Variants in DENND2B observed in about 807,000 individuals in gnomAD.
DENND2B encodes DENN domain-containing protein 2B.
Under a neutral mutation model 116.0 loss-of-function variants are expected in DENND2B, and 32 were observed. The ratio of observed to expected loss-of-function variants is 0.28; its 90% CI spans 0.21 to 0.37. The LOEUF is 0.37. Among genes scored for constraint, DENND2B ranks in the 10% least tolerant of loss-of-function variants. DENND2B has a pLI of 1.00. For synonymous variants in DENND2B, 588 were observed against 583.9 expected (o/e 1.01, Z -0.10); for missense variants, 1,276 against 1,477.7 (o/e 0.86, Z 2.24).
At chr11:8,845,990 G>C (rs1183426549) in intron 3 of DENND2B, among the ~76,000 whole-genome samples, 1 of 152,042 alleles carries the variant, frequency 6.6e-6, no homozygotes, top group African/African-American at 2.4e-5. Flanking sequence ...TCAGAATCAG[G>C]GCCCACACTT....
In DENND2B at chr11:8,887,589, CTT is replaced by C. The variant is rs201582306; in HGVS notation, c.-255-6482_-255-6481del. Among the ~76,000 whole-genome samples the C allele has an allele frequency of 5.1e-4, 77 of 152,196 alleles. 1 individual carries two copies. Among genetic ancestry groups the C allele is most frequent in the African/African-American group, 1.8e-3 (75 of 41,522 alleles). ...TAAAGTCTACTCAGCCCTTCCATAC[CTT>C]TTCTCTCTCCACCAGCCACATGTTC... On this transcript the variant is annotated intron_variant, in intron 1 of 22. Coordinates refer to the DENND2B transcript ENST00000534127.
intron 2 of DENND2B, among the ~76,000 whole-genome samples, chr11:8,748,023 C>T (rs1460220117): frequency 6.6e-6 from 1 of 152,050 alleles, no homozygotes; most frequent in African/African-American, 2.4e-5. Context: ...CGCCAGTTTT[C>T]CTTGACCAGA....
intron 4 of DENND2B, among the ~76,000 whole-genome samples, chr11:8,829,697 T>A (rs1392213298): frequency 1.3e-5 from 2 of 152,148 alleles, no homozygotes; most frequent in African/African-American, 4.8e-5. Flanking sequence ...GCTGCTGTTG[T>A]CTTAAAATTG....
intron 1 of DENND2B, among the ~76,000 whole-genome samples, chr11:8,766,368 C>T (rs1242793407): frequency 6.6e-6 from 1 of 152,192 alleles, no homozygotes; most frequent in Non-Finnish European, 1.5e-5. Context: ...ACATCAGCCT[C>T]ACCCTAGGCT....
intron 1 of DENND2B, chr11:8,768,669 A>G (rs1011961040): frequency 6.6e-6 from 1 of 152,226 alleles, no homozygotes; most frequent in Non-Finnish European, 1.5e-5. Flanking sequence ...GTCACAGCTT[A>G]TACTTTCTCC....
Position 8,759,248 on chromosome 11 carries a change from C to T in DENND2B, c.-25-8523G>A, listed in dbSNP as rs549994248. Reference sequence around the variant, plus strand: ...GTCTGTCCTTGTTTAGGTGACATTTCTAAATGTCTGTCTGATACTTTTCTG... The same window carrying T: ...GTCTGTCCTTGTTTAGGTGACATTTTTAAATGTCTGTCTGATACTTTTCTG... On this transcript the variant is annotated intron_variant, in intron 1 of 19. Coordinates refer to ENST00000313726, the MANE Select transcript of DENND2B (RefSeq NM_213618.2). Among the ~76,000 whole-genome samples the T allele has an allele frequency of 8.5e-5, 13 of 152,310 alleles. No individual in the cohort carries two copies. In the East Asian group the frequency reaches 2.5e-3, roughly 29 times the overall value.
chr11:8,755,773 C>A (rs1411833126), intron 1 of DENND2B, among the ~76,000 whole-genome samples: 1 of 152,148 alleles, frequency 6.6e-6, no homozygotes, highest in Non-Finnish European at 1.5e-5. Flanking sequence ...CAGGCATGAG[C>A]CACCATGCTT....
intron 4 of DENND2B, chr11:8,718,783 C>G: frequency 9.8e-7 from 1 of 1,019,520 alleles, no homozygotes; most frequent in Non-Finnish European, 1.2e-6. Context: ...AAGTCCAAAA[C>G]AGAATCCCTG....
At chr11:8,901,485 C>T (rs931799975) in intron 1 of DENND2B, among the ~76,000 whole-genome samples, 64 of 152,108 alleles carry the variant, frequency 4.2e-4, no homozygotes, top group Non-Finnish European at 8.4e-4. Flanking sequence ...CCACCTCAGC[C>T]TCCCAAAGTG....
At chr11:8,759,247 T>C (rs1325145730) in intron 1 of DENND2B, among the ~76,000 whole-genome samples, 1 of 152,178 alleles carries the variant, frequency 6.6e-6, no homozygotes, top group African/African-American at 2.4e-5. Context: ...AGGTGACATT[T>C]CTAAATGTCT....
intron 1 of DENND2B, among the ~76,000 whole-genome samples, chr11:8,903,639 C>T (rs1401233038): frequency 6.6e-6 from 1 of 151,832 alleles, no homozygotes; most frequent in Non-Finnish European, 1.5e-5. Flanking sequence ...TTGAAACTGA[C>T]TCAAGATGGA....
intron 2 of DENND2B, among the ~76,000 whole-genome samples, chr11:8,739,687 CACTGCAGCATGCA>C (rs1201541588): frequency 2.0e-5 from 3 of 152,208 alleles, no homozygotes; most frequent in Non-Finnish European, 4.4e-5. Flanking sequence ...TGGATGCCAA[CACTGCAGCATGCA>C]ACTGGCCAAA....
At chr11:8,764,174 C>T (rs1268284956) in intron 1 of DENND2B, among the ~76,000 whole-genome samples, 2 of 151,688 alleles carry the variant, frequency 1.3e-5, no homozygotes, top group African/African-American at 4.8e-5. Context: ...GAGCCAAGAT[C>T]GCGCCACTGC....
At position 8,731,152 on chromosome 11, in the gene DENND2B, C is replaced by A. The variant is rs150863750; in HGVS notation, c.138G>T (p.Pro46=). Residue 46 remains proline (P), a synonymous_variant, in exon 3 of 20, where the codon CCG becomes CCT. Transcript: ENST00000313726. ...AGGCTGAGGTTTCACTATCACTGAGCGGGTAGATGGGACTCCTTGGTGGGG... is the reference window on the plus strand; with the variant it reads ...AGGCTGAGGTTTCACTATCACTGAGAGGGTAGATGGGACTCCTTGGTGGGG... The part of the protein sequence containing the change: ...VLSPPRSPIY[P]LSDSETSACR... The A allele has an allele frequency of 5.8e-6, 9 of 1,563,420 alleles. No individual in the cohort carries two copies. Among genetic ancestry groups the A allele is most frequent in the Admixed American group, 1.8e-5 (1 of 54,418 alleles).
intron 3 of DENND2B, among the ~76,000 whole-genome samples, chr11:8,842,749 T>C (rs764844594): frequency 1.3e-5 from 2 of 152,202 alleles, no homozygotes; most frequent in Non-Finnish European, 2.9e-5. Context: ...ACTTATTTCA[T>C]GATGGAGACA....
intron 4 of DENND2B, among the ~76,000 whole-genome samples, chr11:8,816,899 A>G (rs1157999371): frequency 6.6e-6 from 1 of 152,188 alleles, no homozygotes; most frequent in Non-Finnish European, 1.5e-5. Context: ...GCAGTCACCC[A>G]GTCCTACTGC....
chr11:8,753,374 ATG>A (rs1408593946), intron 1 of DENND2B, among the ~76,000 whole-genome samples: 1 of 152,262 alleles, frequency 6.6e-6, no homozygotes, highest in Non-Finnish European at 1.5e-5. Context: ...AATGCAAGAC[ATG>A]TATACTGTAA....
intron 1 of DENND2B, among the ~76,000 whole-genome samples, chr11:8,903,475 A>T (rs2064196128): frequency 3.6e-5 from 2 of 55,644 alleles, no homozygotes; most frequent in African/African-American, 7.6e-5. Flanking sequence ...CCAAGATGTT[A>T]AAAAAAAAAA....
chr11:8,759,799 C>T (rs1391536113), intron 1 of DENND2B, among the ~76,000 whole-genome samples: 1 of 152,242 alleles, frequency 6.6e-6, no homozygotes, highest in Non-Finnish European at 1.5e-5. Context: ...CACCTCTCCT[C>T]ATCCATGGGC....
Sources: gnomAD v4.1 joint callset for allele counts (sites outside exome capture counted in the v4.1 genomes callset) on GRCh38, gnomAD v4.1.1 for gene constraint, MANE v1.5 for transcripts, NCBI Gene and HGNC (gene_info 2026-07-23, HGNC 2026-07-21) for gene names.